MGAM: variants seen among roughly 807,000 people sequenced by gnomAD.
MGAM encodes the protein maltase-glucoamylase, also known as alpha-1,4-glucosidase.
Under a neutral mutation model 358.8 loss-of-function variants are expected in MGAM, and 253 were observed. The observed-to-expected ratio is 0.71, with a 90% confidence interval of 0.64 to 0.78. The LOEUF is 0.78. MGAM is among the 30% of genes least tolerant of loss of function. The pLI is 0.00. For synonymous variants in MGAM, 1,105 were observed against 1,227.1 expected (o/e 0.90, Z 2.08); for missense variants, 3,080 against 3,432.6 (o/e 0.90, Z 2.57).
chr7:141,992,247 T>A (rs1554447496), upstream of MGAM, among the ~76,000 whole-genome samples: 2 of 152,202 alleles, frequency 1.3e-5, no homozygotes, highest in Admixed American at 1.3e-4. Flanking sequence ...AGTATTTTAA[T>A]CTTCATTTAA....
intron 1 of MGAM, among the ~76,000 whole-genome samples, chr7:141,999,740 T>A (rs1280881996): frequency 1.3e-5 from 2 of 152,194 alleles, no homozygotes; most frequent in African/African-American, 4.8e-5. Flanking sequence ...TAAAAAACAT[T>A]TTTAAAAGCC....
chr7:142,023,100 C>T (rs576123968), intron 7 of MGAM, among the ~76,000 whole-genome samples: 1 of 152,062 alleles, frequency 6.6e-6, no homozygotes, highest in Non-Finnish European at 1.5e-5. Context: ...CTCACTGTCA[C>T]CCAGGCTGAA....
At chr7:142,028,846 A>C in intron 10 of MGAM, among the ~76,000 whole-genome samples, 1 of 149,668 alleles carries the variant, frequency 6.7e-6, no homozygotes, top group Non-Finnish European at 1.5e-5. Context: ...TTTGGCTGCG[A>C]GTCCCACTAC....
chr7:142,067,629 T>C (rs1399975542), intron 42 of MGAM, among the ~76,000 whole-genome samples: 1 of 141,900 alleles, frequency 7.0e-6, no homozygotes, highest in African/African-American at 2.5e-5. Flanking sequence ...AGCCTAACAA[T>C]TCTGGTTCGT....
chr7:142,060,279 T>G (rs746810389), intron 33 of MGAM, 32 bp from the exon 34 acceptor site: 2 of 1,608,204 alleles, frequency 1.2e-6, no homozygotes, highest in South Asian at 2.2e-5. Context: ...AATTGTCTAG[T>G]GCATCGCTAC....
intron 21 of MGAM, among the ~76,000 whole-genome samples, chr7:142,042,569 A>T (rs1486428606): frequency 2.0e-5 from 1 of 50,226 alleles, no homozygotes; most frequent in Non-Finnish European, 3.3e-5. Flanking sequence ...TATATATAAT[A>T]TATAATATAT....
chr7:142,053,697 T>C (rs1811233830), intron 26 of MGAM, among the ~76,000 whole-genome samples: 1 of 152,136 alleles, frequency 6.6e-6, no homozygotes, highest in East Asian at 1.9e-4. Context: ...GCCTGGCCGA[T>C]AGTGCTGTAA....
At chr7:142,085,552 C>A (rs75756011) in intron 54 of MGAM, among the ~76,000 whole-genome samples, 6 of 146,192 alleles carry the variant, frequency 4.1e-5, no homozygotes, top group African/African-American at 1.5e-4. Flanking sequence ...TTACAAAGCA[C>A]TGTCCATTCC....
chr7:142,038,800 CT>C (rs1808246051), intron 19 of MGAM, among the ~76,000 whole-genome samples, 185 bp downstream of exon 19: 1 of 152,106 alleles, frequency 6.6e-6, no homozygotes, highest in African/African-American at 2.4e-5. Flanking sequence ...TCTAGAATTT[CT>C]TTTTTCTCTT....
rs533882955 is a variant in MGAM at position 142,092,675 on chromosome 7, C to T, written c.7033+67C>T. The T allele has an allele frequency of 2.4e-4, 338 of 1,381,992 alleles. 54 individuals are homozygous for T. Among genetic ancestry groups the T allele is most frequent in the East Asian group, 1.3e-3 (52 of 39,890 alleles). 85.6% of individuals were successfully genotyped at this position (1,381,992 alleles called of 1,614,324 possible). A position where few individuals can be genotyped will look rare whatever the true frequency, so the allele number is the denominator to read the frequency against. On this transcript the variant is annotated intron_variant, in intron 59 of 70. Coordinates refer to ENST00000475668, the MANE Select transcript of MGAM (RefSeq NM_001365693.1). ...AAAGAAGGATTACACTGGAGGAGCC[C>T]GAGGCCAGGGGTGGCCGCACAGCTC...
At chr7:142,097,518 T>A in intron 65 of MGAM, 75 bp from the exon 66 acceptor site, 1 of 1,429,510 alleles carries the variant, frequency 7.0e-7, no homozygotes, top group Non-Finnish European at 9.9e-7. Flanking sequence ...TTATTTAACC[T>A]CTTTCCTAAG....
Position 142,034,388 on chromosome 7 carries a change from A to G in MGAM, c.1787+9A>G, listed in dbSNP as rs879954600. The G allele has an allele frequency of 1.3e-6, 2 of 1,511,140 alleles. No individual in the cohort carries two copies. Among genetic ancestry groups the G allele is most frequent in the South Asian group, 2.4e-5 (2 of 83,694 alleles). 93.6% of individuals were successfully genotyped at this position (1,511,140 alleles called of 1,614,324 possible). On this transcript the variant is annotated intron_variant, in intron 15 of 70. Coordinates refer to ENST00000475668, the MANE Select transcript of MGAM (RefSeq NM_001365693.1). The stretch of plus-strand genomic sequence containing the variant: ...GCGGTCGCCACAGCAGAGTAAGGCC[A>G]CTATGGCTATGACCTGCTAATTATT...
Position 142,065,481 on chromosome 7 carries a change from T to C in MGAM, c.4618+13T>C, listed in dbSNP as rs2129043762. On this transcript the variant is annotated intron_variant, in intron 38 of 70. Coordinates refer to ENST00000475668, the MANE Select transcript of MGAM (RefSeq NM_001365693.1). Reference sequence around the variant, plus strand: ...AAGTCTATCATTGGTGCGTGGGTCCTTCCCCAGGGCCTTTGCCGACAGGGC... The same window carrying C: ...AAGTCTATCATTGGTGCGTGGGTCCCTCCCCAGGGCCTTTGCCGACAGGGC... 4 of 1,613,236 alleles carry C rather than the reference T, an allele frequency of 2.5e-6. No homozygotes were observed. Among genetic ancestry groups the C allele is most frequent in the Non-Finnish European group, 2.5e-6 (3 of 1,179,522 alleles).
chr7:142,093,341 G>C, intron 59 of MGAM, 71 bp from the exon 60 acceptor site: 1 of 1,464,828 alleles, frequency 6.8e-7, no homozygotes, highest in South Asian at 1.2e-5. Context: ...CCAGGGCCCA[G>C]TCCCTTGAAG....
In MGAM at chr7:142,021,630, C is replaced by T. The variant is rs2272326; in HGVS notation, c.603C>T (p.His201=). The change falls in exon 6 of 71, where the codon CAC becomes CAT. Residue 201 remains histidine (H), a synonymous_variant. Transcript: ENST00000475668. ...TNNRFEVPHE[H]VQSFSGNAAA... is the part of the protein sequence containing the mutation. ...ACAGGTTTGAAGTGCCCCACGAACA[C>T]GTGCAGTCCTTCAGTGGAAATGCTG... is the stretch of plus-strand genomic sequence containing the variant. The T allele has an allele frequency of 1.3e-4, 209 of 1,613,930 alleles. 2 individuals are homozygous for T. In the East Asian group the frequency reaches 2.1e-3, roughly 17 times the overall value.
intron 3 of MGAM, among the ~76,000 whole-genome samples, chr7:142,012,580 A>G (rs1384128471): frequency 1.3e-5 from 2 of 152,186 alleles, no homozygotes; most frequent in African/African-American, 4.8e-5. Context: ...TCTTAGGGCA[A>G]GCTTCTCCAT....
At chr7:142,090,320 C>T (rs4236465) in intron 57 of MGAM, among the ~76,000 whole-genome samples, 6 of 144,756 alleles carry the variant, frequency 4.1e-5, no homozygotes, top group Non-Finnish European at 1.6e-5. Flanking sequence ...TCTGACTCAG[C>T]TGTGGCTGAT....
At chr7:142,095,822 T>G (rs1023170729) in intron 64 of MGAM, 109 bp downstream of exon 64, 1 of 1,494,796 alleles carries the variant, frequency 6.7e-7, no homozygotes, top group Non-Finnish European at 9.1e-7. Context: ...TGACATGAGC[T>G]CTTCAGGTGC....
At chr7:142,052,250 G>T (rs564325427) in intron 24 of MGAM, 44 bp from the exon 25 acceptor site, 6 of 1,513,104 alleles carry the variant, frequency 4.0e-6, no homozygotes, top group South Asian at 1.3e-5. Flanking sequence ...TGCAAAGCCT[G>T]TCTCCTAAAG....
Sources: gnomAD v4.1 joint callset for allele counts (sites outside exome capture counted in the v4.1 genomes callset) on GRCh38, gnomAD v4.1.1 for gene constraint, MANE v1.5 for transcripts, NCBI Gene and HGNC (gene_info 2026-07-23, HGNC 2026-07-21) for gene names.